Variants in COL26A1 observed in about 807,000 individuals in gnomAD.
COL26A1 encodes collagen type XXVI alpha 1 chain, also known as collagen alpha-1(XXVI) chain.
A neutral mutation model predicts 59.3 loss-of-function variants in COL26A1; 41 were observed. That is an observed-to-expected ratio of 0.69 (90% CI 0.54 to 0.90). The LOEUF (loss-of-function observed/expected upper bound fraction) is 0.90, where lower values mean the gene tolerates loss of function less well. COL26A1 is among the 40% of genes least tolerant of loss of function. The pLI is 0.00. For missense variants in COL26A1, 612 were observed against 602.3 expected (o/e 1.02, Z -0.17); for synonymous variants, 266 against 256.0 (o/e 1.04, Z -0.37).
intron 3 of COL26A1, among the ~76,000 whole-genome samples, chr7:101,513,471 C>A (rs910575804): frequency 6.6e-6 from 1 of 151,972 alleles, no homozygotes; most frequent in African/African-American, 2.4e-5. Context: ...AGACTACAGG[C>A]ATGTGTCACC....
rs1012010793 is a variant in COL26A1, at chr7:101,555,739, C to T, written c.1081-48C>T. ...TGTCACTGTATCAGGATGGCCCTGACCCCTTCCTCATGGCCGGCCCTGACC... is the reference window on the plus strand; with the variant it reads ...TGTCACTGTATCAGGATGGCCCTGATCCCTTCCTCATGGCCGGCCCTGACC... On this transcript the variant is annotated intron_variant, in intron 11 of 12. Coordinates refer to ENST00000313669, the MANE Select transcript of COL26A1 (RefSeq NM_001278563.3). 4 of 1,454,092 alleles carry T rather than the reference C, an allele frequency of 2.8e-6. No homozygotes were observed. In the African/African-American group the frequency reaches 4.2e-5, roughly 15 times the overall value. The allele number at this position is 1,454,092 out of a possible 1,614,324, so 90.1% of individuals were successfully genotyped here.
chr7:101,392,790 C>T (rs899751855), intron 1 of COL26A1, among the ~76,000 whole-genome samples: 1 of 152,048 alleles, frequency 6.6e-6, no homozygotes. Context: ...AATGTGCCTC[C>T]CTCCACCGCA....
intron 3 of COL26A1, among the ~76,000 whole-genome samples, chr7:101,496,779 A>T (rs943620897): frequency 2.0e-5 from 3 of 151,856 alleles, no homozygotes; most frequent in African/African-American, 7.3e-5. Context: ...CCAGCTACTC[A>T]GGAGGCTGAG....
At chr7:101,525,049 A>G (rs188007547) in intron 3 of COL26A1, among the ~76,000 whole-genome samples, 1 of 152,042 alleles carries the variant, frequency 6.6e-6, no homozygotes, top group Non-Finnish European at 1.5e-5. Context: ...CCCAGAGAAG[A>G]ATCTTATGAA....
intron 3 of COL26A1, among the ~76,000 whole-genome samples, chr7:101,464,979 T>C (rs145812586): frequency 1.4e-3 from 212 of 151,846 alleles, no homozygotes; most frequent in Non-Finnish European, 1.9e-3. Context: ...CCCAAAGCAC[T>C]GGTATTATAG....
At chr7:101,474,429 T>G (rs1793985562) in intron 3 of COL26A1, among the ~76,000 whole-genome samples, 1 of 100,886 alleles carries the variant, frequency 9.9e-6, no homozygotes, top group Admixed American at 8.4e-5. Flanking sequence ...AGACCCCATC[T>G]CTAAAAAAAA....
intron 3 of COL26A1, among the ~76,000 whole-genome samples, chr7:101,500,232 G>A (rs556078879): frequency 5.9e-5 from 9 of 152,052 alleles, no homozygotes; most frequent in Non-Finnish European, 1.2e-4. Flanking sequence ...TTGAAGCGGG[G>A]ATTGCCGGGA....
intron 1 of COL26A1, among the ~76,000 whole-genome samples, chr7:101,387,774 A>ATTTTTTTTTTTTT (rs1185449488): frequency 6.1e-5 from 3 of 48,902 alleles, no homozygotes; most frequent in South Asian, 8.7e-4. Flanking sequence ...ATATATATAT[A>ATTTTTTTTTTTTT]TATATTTTTT....
chr7:101,534,016 C>A (rs1795426236), intron 4 of COL26A1, among the ~76,000 whole-genome samples: 1 of 152,198 alleles, frequency 6.6e-6, no homozygotes, highest in Non-Finnish European at 1.5e-5. Context: ...CCCGTTCTCA[C>A]CCAGAGGGCT....
chr7:101,529,227 ATAG>A (rs1358518109), intron 3 of COL26A1, among the ~76,000 whole-genome samples: 3 of 152,140 alleles, frequency 2.0e-5, no homozygotes, highest in African/African-American at 7.2e-5. Flanking sequence ...TACATGCATA[ATAG>A]TAGGGATTGG....
intron 3 of COL26A1, among the ~76,000 whole-genome samples, chr7:101,474,544 A>G (rs1192328148): frequency 3.9e-5 from 6 of 152,212 alleles, no homozygotes; most frequent in Non-Finnish European, 8.8e-5. Flanking sequence ...TTGAGCTATG[A>G]TCCCGCCACT....
intron 2 of COL26A1, among the ~76,000 whole-genome samples, chr7:101,423,119 G>C (rs1462555114): frequency 1.3e-5 from 2 of 152,080 alleles, no homozygotes; most frequent in African/African-American, 4.8e-5. Context: ...ACGAAAATTA[G>C]CCAGGTGTGG....
chr7:101,368,856 T>C (rs777391217), intron 1 of COL26A1, among the ~76,000 whole-genome samples: 25 of 151,862 alleles, frequency 1.6e-4, no homozygotes, highest in Non-Finnish European at 2.9e-4. Context: ...AGAATACTTA[T>C]AATTTCCCCC....
At chr7:101,492,839 A>G (rs956724694) in intron 3 of COL26A1, among the ~76,000 whole-genome samples, 7 of 151,956 alleles carry the variant, frequency 4.6e-5, no homozygotes, top group Non-Finnish European at 1.0e-4. Context: ...TCCTGGGCTC[A>G]AGTGGTCCTC....
rs1043417450 is a variant in COL26A1 at position 101,425,300 on chromosome 7, G to A, written c.281+5201G>A. 9.2e-5 allele frequency among the ~76,000 whole-genome samples: 14 copies of A among 152,052 alleles called. 1 individual carries two copies. The highest frequency in any genetic ancestry group is 1.9e-4 in the African/African-American group (8 of 41,422). On this transcript the variant is annotated intron_variant, in intron 2 of 12. Coordinates refer to ENST00000313669, the MANE Select transcript of COL26A1 (RefSeq NM_001278563.3). Reference sequence around the variant, plus strand: ...CTCAGGAGACTGAGGCAGGAGAATCGCTTTAACCTGGGAGGCAGTGTTCAT... The same window carrying A: ...CTCAGGAGACTGAGGCAGGAGAATCACTTTAACCTGGGAGGCAGTGTTCAT...
At chr7:101,550,971 TGCCGGCCGG>T in intron 9 of COL26A1, 128 bp from the exon 10 acceptor site, 1 of 963,486 alleles carries the variant, frequency 1.0e-6, no homozygotes, top group South Asian at 1.5e-5. Flanking sequence ...GCCCTTCCCG[TGCCGGCCGG>T]GCCATCCTCC....
chr7:101,401,580 AAAAG>A (rs1562963272), intron 1 of COL26A1, among the ~76,000 whole-genome samples: 13 of 135,964 alleles, frequency 9.6e-5, no homozygotes, highest in African/African-American at 2.5e-4. Context: ...GAGGAGGAGG[AAAAG>A]GAGGAGGAAG....
At chr7:101,557,288 C>G in intron 12 of COL26A1, 82 bp from the exon 13 acceptor site, 2 of 1,417,226 alleles carry the variant, frequency 1.4e-6, no homozygotes, top group South Asian at 1.4e-5. Context: ...AGCATCTCTC[C>G]GTGGCCACAT....
chr7:101,406,480 C>A (rs946614476), intron 1 of COL26A1, among the ~76,000 whole-genome samples: 1 of 152,122 alleles, frequency 6.6e-6, no homozygotes, highest in African/African-American at 2.4e-5. Flanking sequence ...CCAATTTGCT[C>A]GATGGCAGAC....
Sources: allele counts gnomAD v4.1 joint callset (sites outside exome capture counted in the v4.1 genomes callset), GRCh38; gene constraint gnomAD v4.1.1; transcripts MANE v1.5; gene names NCBI Gene and HGNC (gene_info 2026-07-23, HGNC 2026-07-21).